Variants in PSMF1 observed in about 807,000 individuals in gnomAD.
PSMF1 encodes proteasome inhibitor subunit 1, also known as proteasome inhibitor PI31 subunit.
Under a neutral mutation model 29.3 loss-of-function variants are expected in PSMF1, and 30 were observed. The observed-to-expected ratio is 1.02, with a 90% confidence interval of 0.77 to 1.39. The LOEUF is 1.39. Ranked by LOEUF, PSMF1 falls within the 40% of genes most tolerant of loss-of-function variation. The probability of loss-of-function intolerance (pLI) is 0.00; values close to 1 mark genes in which losing one functional copy is unlikely to be tolerated. For synonymous variants in PSMF1, 134 were observed against 139.7 expected (o/e 0.96, Z 0.29); for missense variants, 344 against 357.5 (o/e 0.96, Z 0.31).
At chr20:1,133,569 A>ATATT in intron 3 of PSMF1, among the ~76,000 whole-genome samples, 1 of 53,304 alleles carries the variant, frequency 1.9e-5, no homozygotes, top group Non-Finnish European at 4.6e-5. Flanking sequence ...ATATATATAT[A>ATATT]TTTTTTTTTT....
chr20:1,156,256 G>T (rs2086593394), intron 4 of PSMF1, among the ~76,000 whole-genome samples: 1 of 152,156 alleles, frequency 6.6e-6, no homozygotes, highest in South Asian at 2.1e-4. Context: ...AATAATGTCT[G>T]AGGGACCTGT....
chr20:1,142,838 A>G (rs1180596042), intron 4 of PSMF1, among the ~76,000 whole-genome samples: 1 of 152,240 alleles, frequency 6.6e-6, no homozygotes, highest in Non-Finnish European at 1.5e-5. Context: ...TCCCTGAGGA[A>G]TCGCCACACT....
In PSMF1 at chr20:1,161,062, G is replaced by A. The variant is rs374911755; in HGVS notation, c.552-2068G>A. On this transcript the variant is annotated intron_variant, in intron 4 of 6. Transcript: ENST00000335877. Reference sequence around the variant, plus strand: ...ATTCTGGAGACGGAGTCACACACACGGTGCCCATCTACAAGGGCTATGCCC... The same window carrying A: ...ATTCTGGAGACGGAGTCACACACACAGTGCCCATCTACAAGGGCTATGCCC... 23 of 466,578 alleles carry A rather than the reference G, an allele frequency of 4.9e-5. No homozygotes were observed. The East Asian group carries it at 7.3e-4, about 15-fold the overall frequency. 28.9% of individuals were successfully genotyped at this position (466,578 alleles called of 1,614,324 possible).
chr20:1,130,048 A>G (rs2086208700), intron 3 of PSMF1, among the ~76,000 whole-genome samples: 1 of 152,250 alleles, frequency 6.6e-6, no homozygotes, highest in African/African-American at 2.4e-5. Flanking sequence ...TGAAGACATT[A>G]TACTAAATTA....
intron 4 of PSMF1, among the ~76,000 whole-genome samples, chr20:1,136,929 T>G (rs939287044): frequency 2.0e-5 from 3 of 152,252 alleles, no homozygotes; most frequent in African/African-American, 7.2e-5. Flanking sequence ...AAAAAAATAC[T>G]TAGTGTTCAT....
chr20:1,117,417 A>AACCTCC (rs1356495715), upstream of PSMF1, among the ~76,000 whole-genome samples: 28 of 150,708 alleles, frequency 1.9e-4, no homozygotes, highest in African/African-American at 5.4e-4. Context: ...GGCTCACTGC[A>AACCTCC]ACCTCCACCT....
intron 4 of PSMF1, among the ~76,000 whole-genome samples, chr20:1,155,132 C>T (rs886626310): frequency 1.2e-4 from 18 of 152,210 alleles, no homozygotes; most frequent in African/African-American, 4.3e-4. Flanking sequence ...TTGTTCCCCT[C>T]TGATATCCTG....
upstream of PSMF1, among the ~76,000 whole-genome samples, chr20:1,113,673 TTTCTTC>T (rs140858280): frequency 6.6e-6 from 1 of 151,474 alleles, no homozygotes; most frequent in Non-Finnish European, 1.5e-5. Context: ...GGTTACATAC[TTTCTTC>T]TTCTTCTTTT....
chr20:1,130,941 T>C (rs2086220615), intron 3 of PSMF1, among the ~76,000 whole-genome samples: 1 of 152,208 alleles, frequency 6.6e-6, no homozygotes, highest in South Asian at 2.1e-4. Flanking sequence ...TTGCCTGTGA[T>C]CTCCTTGAGG....
upstream of PSMF1, among the ~76,000 whole-genome samples, chr20:1,117,206 G>A (rs1332405403): frequency 6.6e-6 from 1 of 152,180 alleles, no homozygotes; most frequent in Non-Finnish European, 1.5e-5. Flanking sequence ...GAATCAGAGA[G>A]GTACAGGGCT....
intron 4 of PSMF1, among the ~76,000 whole-genome samples, chr20:1,148,904 T>TTA (rs1358265374): frequency 4.6e-5 from 7 of 152,222 alleles, no homozygotes; most frequent in Non-Finnish European, 1.0e-4. Flanking sequence ...ATTTACTGCA[T>TTA]TAGCAGTTAC....
rs577363938 is a variant in PSMF1, at chr20:1,119,001, T to C, written c.129+99T>C. ...CCAGAGCGCCCGATTTCCCCGCTTCTCCCAGTGCAGGGTCTGGGGCAGATG... is the reference window on the plus strand; with the variant it reads ...CCAGAGCGCCCGATTTCCCCGCTTCCCCCAGTGCAGGGTCTGGGGCAGATG... On this transcript the variant is annotated intron_variant, in intron 1 of 6. Coordinates refer to ENST00000335877, the MANE Select transcript of PSMF1 (RefSeq NM_006814.5). 13 of 1,481,730 alleles carry C rather than the reference T, an allele frequency of 8.8e-6. No homozygotes were observed. In the East Asian group the frequency reaches 2.7e-4, roughly 31 times the overall value. 91.8% of individuals were successfully genotyped at this position (1,481,730 alleles called of 1,614,324 possible).
intron 4 of PSMF1, among the ~76,000 whole-genome samples, chr20:1,142,823 C>A (rs964678065): frequency 6.6e-6 from 1 of 152,154 alleles, no homozygotes; most frequent in Non-Finnish European, 1.5e-5. Context: ...ATTTCTAGTT[C>A]TAGATCCCTG....
chr20:1,147,938 C>T (rs1203618890), intron 4 of PSMF1, among the ~76,000 whole-genome samples: 2 of 152,170 alleles, frequency 1.3e-5, no homozygotes, highest in Admixed American at 1.3e-4. Flanking sequence ...ATTAATTATC[C>T]CATCACTGAA....
upstream of PSMF1, among the ~76,000 whole-genome samples, chr20:1,114,447 G>A (rs2122413806): frequency 6.6e-6 from 1 of 152,380 alleles, no homozygotes; most frequent in South Asian, 2.1e-4. Context: ...GTGTAGAAGA[G>A]GGAACCAGTG....
intron 4 of PSMF1, among the ~76,000 whole-genome samples, chr20:1,136,718 C>T (rs926585091): frequency 5.3e-5 from 8 of 152,194 alleles, no homozygotes; most frequent in Non-Finnish European, 7.3e-5. Flanking sequence ...TTGAATTCAA[C>T]AGTGACAAAG....
chr20:1,113,465 C>CAG (rs2085985394), intron 1 of PSMF1: 1 of 154,998 alleles, frequency 6.5e-6, no homozygotes, highest in Admixed American at 6.6e-5. Flanking sequence ...CACACACACA[C>CAG]ACACACACAC....
intron 4 of PSMF1, among the ~76,000 whole-genome samples, chr20:1,145,783 T>C (rs1049131751): frequency 1.3e-5 from 2 of 152,038 alleles, no homozygotes; most frequent in Admixed American, 6.6e-5. Flanking sequence ...GCCCAGAAAA[T>C]GAGAAGGATA....
chr20:1,134,834 A>T, intron 3 of PSMF1: 2 of 479,832 alleles, frequency 4.2e-6, no homozygotes, highest in East Asian at 4.2e-5. Flanking sequence ...GGAGTAGCCA[A>T]TCCAGGCCCT....
Sources: gnomAD v4.1 joint callset for allele counts (sites outside exome capture counted in the v4.1 genomes callset) on GRCh38, gnomAD v4.1.1 for gene constraint, MANE v1.5 for transcripts, NCBI Gene and HGNC (gene_info 2026-07-23, HGNC 2026-07-21) for gene names.